Variants in USP3 observed in about 807,000 individuals in gnomAD.
USP3 encodes the protein ubiquitin carboxyl-terminal hydrolase 3.
USP3 carries 20 observed loss-of-function variants against 72.3 expected under a neutral mutation model. The observed-to-expected ratio is 0.28, with a 90% CI of 0.19 to 0.40. The LOEUF (loss-of-function observed/expected upper bound fraction) is 0.40, where lower values mean the gene tolerates loss of function less well. Ranked by LOEUF, USP3 falls within the 10% of genes least tolerant of loss-of-function variation. The pLI, the probability that USP3 is intolerant of heterozygous loss-of-function variation, is 1.00. For missense variants in USP3, 479 were observed against 633.9 expected, an observed-to-expected ratio of 0.76 and a Z score of 2.62; for synonymous variants, 222 against 225.3, an observed-to-expected ratio of 0.99 and a Z score of 0.13.
chr15:63,537,177 A>C, intron 3 of USP3, 21 bp downstream of exon 3: 1 of 1,607,090 alleles, frequency 6.2e-7, no homozygotes, highest in Non-Finnish European at 8.5e-7. Context: ...ATTTTCTGGA[A>C]ATGAGATTTC....
chr15:63,541,865 A>T (rs1053077698), intron 3 of USP3, among the ~76,000 whole-genome samples: 3 of 152,104 alleles, frequency 2.0e-5, no homozygotes, highest in Non-Finnish European at 2.9e-5. Flanking sequence ...GTGAAACTTA[A>T]TGAAGGATCT....
At chr15:63,586,830 CAAAG>C (rs968098948) in intron 11 of USP3, 1 of 152,122 alleles carries the variant, frequency 6.6e-6, no homozygotes. Flanking sequence ...GAGAAAGTCT[CAAAG>C]AAGTGAGAAT....
rs1183598005 is a variant in USP3, at chr15:63,570,946, A to G, written c.908+367A>G. On this transcript the variant is annotated intron_variant, in intron 9 of 14. Transcript: ENST00000380324. This position sits in a 1 kb window ranked among gnomAD's most constrained non-coding sequence, Gnocchi z 4.4. ...ATAATATTTGTTCACTAAAAACAAA[A>G]GCTTAAAACATTTTGAATGTGAACT... Among the ~76,000 whole-genome samples the G allele has an allele frequency of 1.3e-5, 2 of 152,264 alleles. No homozygotes were observed. Among genetic ancestry groups the G allele is most frequent in the Non-Finnish European group, 2.9e-5 (2 of 68,044 alleles).
At position 63,553,657 on chromosome 15, in the gene USP3, T is replaced by C; in HGVS notation, c.285-58T>C. 1 of 1,524,512 alleles carries C rather than the reference T, an allele frequency of 6.6e-7. No individual in the cohort carries two copies. The highest frequency in any genetic ancestry group is 8.9e-7 in the Non-Finnish European group (1 of 1,121,474). The allele number at this position is 1,524,512 out of a possible 1,614,324, so 94.4% of individuals were successfully genotyped here. A position where few individuals can be genotyped will look rare whatever the true frequency, so the allele number is the denominator to read the frequency against. ...GGCAACAGCCAGACCTTTTAGTGAT[T>C]TCATTACTGTGGTTTCCTCAAGCTC... is the stretch of plus-strand genomic sequence containing the variant. On this transcript the variant is annotated intron_variant, in intron 3 of 14. Transcript: ENST00000380324. The surrounding 1 kb of genome is among the most constrained non-coding windows in gnomAD (Gnocchi z 4.2).
intron 9 of USP3, among the ~76,000 whole-genome samples, chr15:63,572,331 C>T (rs1385926706): frequency 1.3e-5 from 2 of 151,480 alleles, no homozygotes; most frequent in African/African-American, 4.8e-5. Flanking sequence ...TGTATGTGAA[C>T]ATCAGCATGA....
chr15:63,573,157 AGG>A (rs1309513839), intron 9 of USP3, among the ~76,000 whole-genome samples: 1 of 152,230 alleles, frequency 6.6e-6, no homozygotes, highest in African/African-American at 2.4e-5. Flanking sequence ...ATACACACTT[AGG>A]GAAAAACATA....
At chr15:63,585,816 T>TTTG (rs1555397592) in intron 11 of USP3, among the ~76,000 whole-genome samples, 1 of 151,492 alleles carries the variant, frequency 6.6e-6, no homozygotes, top group Non-Finnish European at 1.5e-5. Context: ...TTTTTTTTTT[T>TTTG]GGCATGTGAA....
At chr15:63,537,897 T>G (rs926786118) in intron 3 of USP3, among the ~76,000 whole-genome samples, 1 of 152,038 alleles carries the variant, frequency 6.6e-6, no homozygotes, top group Non-Finnish European at 1.5e-5. Flanking sequence ...GTTGGTCAGG[T>G]TGGTCTCGTA....
At chr15:63,560,521 G>A (rs1482049059) in intron 7 of USP3, among the ~76,000 whole-genome samples, 1 of 151,914 alleles carries the variant, frequency 6.6e-6, no homozygotes, top group Non-Finnish European at 1.5e-5. Flanking sequence ...TCTAGAATTG[G>A]CATCTAGATA....
intron 4 of USP3, among the ~76,000 whole-genome samples, chr15:63,554,384 T>G (rs963787763): frequency 6.6e-6 from 1 of 152,206 alleles, no homozygotes. Flanking sequence ...GAACAGACTT[T>G]TATTGGTATA....
At chr15:63,543,880 T>C (rs1172200292) in intron 3 of USP3, among the ~76,000 whole-genome samples, 2 of 152,106 alleles carry the variant, frequency 1.3e-5, no homozygotes, top group Non-Finnish European at 2.9e-5. Context: ...TTCACTGTCA[T>C]TAATGTCAAA....
chr15:63,570,759 G>C lies in USP3; in HGVS notation c.908+180G>C, dbSNP rs1405256541. Among the ~76,000 whole-genome samples the C allele has an allele frequency of 6.6e-6, 1 of 152,104 alleles. No homozygotes were observed. The highest frequency in any genetic ancestry group is 6.6e-5 in the Admixed American group (1 of 15,262). ...CATACCTCTTGCTTCTAGACCAGAG[G>C]CATCTTGTATTTGCATCCTGATTTA... On this transcript the variant is annotated intron_variant, in intron 9 of 14. Transcript: ENST00000380324. This position sits in a 1 kb window ranked among gnomAD's most constrained non-coding sequence, Gnocchi z 4.4.
In USP3 at chr15:63,570,282, T is replaced by C; in HGVS notation, c.762-151T>C. ...ATTCTTGAAGAGAAATTCTGTCACCTGTGGAGCTTTCGGGCATGAAGGTGA... is the reference window on the plus strand; with the variant it reads ...ATTCTTGAAGAGAAATTCTGTCACCCGTGGAGCTTTCGGGCATGAAGGTGA... On this transcript the variant is annotated intron_variant, in intron 8 of 14. Transcript: ENST00000380324. The surrounding 1 kb of genome is among the most constrained non-coding windows in gnomAD (Gnocchi z 4.4). 1 of 1,009,014 alleles carries C rather than the reference T, an allele frequency of 9.9e-7. No homozygotes were observed. Among genetic ancestry groups the C allele is most frequent in the East Asian group, 2.6e-5 (1 of 38,284 alleles). 62.5% of individuals were successfully genotyped at this position (1,009,014 alleles called of 1,614,324 possible).
Position 63,537,120 on chromosome 15 carries a change from C to A in USP3, c.248C>A (p.Thr83Lys). 6.2e-7 allele frequency: 1 copy of A among 1,614,024 alleles called. No homozygotes were observed. Among genetic ancestry groups the A allele is most frequent in the Non-Finnish European group, 8.5e-7 (1 of 1,179,958 alleles). The change falls in exon 3 of 15, where the codon ACA (threonine) becomes AAA (lysine). Residue 83 changes from threonine (T) to lysine (K), a missense_variant. Transcript: ENST00000380324. ...GAAAAGCAAGATAAAGTTCAGCACACAGTATGTATGGATTGCAGTAGCTAC... is the reference window on the plus strand; with the variant it reads ...GAAAAGCAAGATAAAGTTCAGCACAAAGTATGTATGGATTGCAGTAGCTAC... ...KSEKQDKVQHTVCMDCSSYST... is the reference protein window; with the variant it reads ...KSEKQDKVQHKVCMDCSSYST...
At chr15:63,561,349 G>A (rs1387766028) in intron 7 of USP3, among the ~76,000 whole-genome samples, 10 of 152,174 alleles carry the variant, frequency 6.6e-5, no homozygotes, top group Non-Finnish European at 1.3e-4. Flanking sequence ...CAGGGCTATT[G>A]GTGAGCTAAT....
rs1404539136 is a variant in USP3, at chr15:63,570,102, C to T, written c.762-331C>T. On this transcript the variant is annotated intron_variant, in intron 8 of 14. Transcript: ENST00000380324. This position sits in a 1 kb window ranked among gnomAD's most constrained non-coding sequence, Gnocchi z 4.4. ...CCACCAGGAAACAAAGGTGTAGTCC[C>T]ATCTCTGTTACTCTCTTGCTGTAGG... Among the ~76,000 whole-genome samples the T allele has an allele frequency of 2.6e-5, 4 of 152,140 alleles. No individual in the cohort carries two copies. Among genetic ancestry groups the T allele is most frequent in the Non-Finnish European group, 5.9e-5 (4 of 68,014 alleles).
chr15:63,547,761 GGAGAGAGAGAGAGAGAGAGA>G (rs1180675814), intron 3 of USP3, among the ~76,000 whole-genome samples: 1 of 4,472 alleles, frequency 2.2e-4, no homozygotes, highest in Non-Finnish European at 4.8e-4. Flanking sequence ...AGGGAGGGAG[GGAGAGAGAGAGAGAGAGAGA>G]GAGAGAGAGA....
chr15:63,515,916 A>G (rs942663050), intron 1 of USP3, among the ~76,000 whole-genome samples: 36 of 152,162 alleles, frequency 2.4e-4, no homozygotes, highest in African/African-American at 7.2e-4. Context: ...TCTCATATTT[A>G]CCTGCATAAT....
In USP3 at chr15:63,594,025, AT is replaced by A. The variant is rs1277256041; in HGVS notation, c.*3201del. On this transcript the variant is annotated 3_prime_UTR_variant, in exon 15 of 15. Transcript: ENST00000380324. ...GTATAGTGATGACAGATGTACTAGAATTAAACCAGTCAAGTGTACTGGCCCG... is the reference window on the plus strand; with the variant it reads ...GTATAGTGATGACAGATGTACTAGAATAAACCAGTCAAGTGTACTGGCCCG... 6.6e-6 allele frequency: 1 copy of A among 152,282 alleles called. No homozygotes were observed. The highest frequency in any genetic ancestry group is 1.9e-4 in the East Asian group (1 of 5,210). The allele number at this position is 152,282 out of a possible 1,614,324, so 9.4% of individuals were successfully genotyped here. A position where few individuals can be genotyped will look rare whatever the true frequency, so the allele number is the denominator to read the frequency against.
Sources: gnomAD v4.1 joint callset for allele counts (sites outside exome capture counted in the v4.1 genomes callset) on GRCh38, gnomAD v4.1.1 for gene constraint, Gnocchi (gnomAD v3.1) non-coding constraint, MANE v1.5 for transcripts, NCBI Gene and HGNC (gene_info 2026-07-23, HGNC 2026-07-21) for gene names.